The following PTPRB variants were observed in gnomAD, a reference collection of about 807,000 sequenced individuals.
The protein encoded by PTPRB is protein tyrosine phosphatase receptor type B.
PTPRB carries 97 observed loss-of-function variants against 238.1 expected under a neutral mutation model. That is an observed-to-expected ratio of 0.41 (90% CI 0.35 to 0.48). The LOEUF is 0.48. Among genes scored for constraint, PTPRB ranks in the 20% least tolerant of loss-of-function variants. PTPRB has a pLI of 0.30. For missense variants in PTPRB, 2,292 were observed against 2,681.9 expected, an observed-to-expected ratio of 0.85 and a Z score of 3.21; for synonymous variants, 970 against 995.4, an observed-to-expected ratio of 0.97 and a Z score of 0.48.
At chr12:70,597,916 TTTTATGCTATGA>T (rs1437553657) in intron 4 of PTPRB, among the ~76,000 whole-genome samples, 1 of 152,248 alleles carries the variant, frequency 6.6e-6, no homozygotes, top group African/African-American at 2.4e-5. Flanking sequence ...TGTTTCTATG[TTTTATGCTATGA>T]TTTATGCTAA....
intron 4 of PTPRB, 150 bp from the exon 5 acceptor site, chr12:70,596,477 T>A: frequency 1.1e-6 from 1 of 952,302 alleles, no homozygotes; most frequent in Middle Eastern, 3.7e-4. Flanking sequence ...GTGAAATAAA[T>A]TGCCATTTTG....
intron 22 of PTPRB, among the ~76,000 whole-genome samples, 167 bp downstream of exon 22, chr12:70,544,390 T>C (rs1875641965): frequency 6.6e-6 from 1 of 152,182 alleles, no homozygotes; most frequent in Non-Finnish European, 1.5e-5. Context: ...TCCATTCTTC[T>C]AGAGAGGTTG....
intron 2 of PTPRB, among the ~76,000 whole-genome samples, chr12:70,631,065 T>G (rs1316057163): frequency 6.6e-6 from 1 of 152,110 alleles, no homozygotes; most frequent in East Asian, 1.9e-4. Context: ...CTTCACAGAA[T>G]TGGAAAAAAC....
chr12:70,624,501 A>G (rs1885088007), intron 2 of PTPRB, among the ~76,000 whole-genome samples: 2 of 152,186 alleles, frequency 1.3e-5, no homozygotes, highest in African/African-American at 4.8e-5. Context: ...GACAAACTCA[A>G]TTATACTATT....
chr12:70,592,643 T>C, intron 6 of PTPRB, 98 bp from the exon 7 acceptor site: 1 of 1,291,780 alleles, frequency 7.7e-7, no homozygotes, highest in Non-Finnish European at 1.1e-6. Flanking sequence ...CAAGCCACAT[T>C]CCTTGCTCTG....
intron 18 of PTPRB, among the ~76,000 whole-genome samples, chr12:70,556,873 TGAGA>T (rs1320255612): frequency 3.3e-5 from 5 of 152,214 alleles, no homozygotes; most frequent in Admixed American, 3.3e-4. Flanking sequence ...TTTCACGTGT[TGAGA>T]GAAACAAGTA....
chr12:70,553,379 C>T (rs1877192212), intron 20 of PTPRB, among the ~76,000 whole-genome samples: 1 of 152,052 alleles, frequency 6.6e-6, no homozygotes, highest in African/African-American at 2.4e-5. Context: ...TTGCCAATAA[C>T]CATTGTAGTT....
At chr12:70,569,397 C>T (rs1023138962) in intron 14 of PTPRB, among the ~76,000 whole-genome samples, 3 of 152,148 alleles carry the variant, frequency 2.0e-5, no homozygotes, top group Admixed American at 2.0e-4. Context: ...AGCTACTGTG[C>T]CCAGCCTGCT....
At position 70,571,092 on chromosome 12, in the gene PTPRB, AT is replaced by A; in HGVS notation, c.3303del (p.Gln1101HisfsTer7). The part of the protein sequence containing the change: ...YRFTSLTPGR[Q>X]YKILVLTISG... ...CTAATCGTCAAGACAAGAATTTTGT[AT>A]TGGCGGCCTGGTGTTAGGGAAGTAA... is the stretch of plus-strand genomic sequence containing the variant. On this transcript the variant is annotated frameshift_variant, in exon 13 of 34. Coordinates refer to ENST00000334414, the MANE Select transcript of PTPRB (RefSeq NM_001109754.4). LOFTEE classifies it high-confidence loss of function. 1 of 1,613,944 alleles carries A rather than the reference AT, an allele frequency of 6.2e-7. No individual in the cohort carries two copies.
chr12:70,567,743 T>C (rs908091669), intron 14 of PTPRB, among the ~76,000 whole-genome samples: 3 of 152,246 alleles, frequency 2.0e-5, no homozygotes, highest in Non-Finnish European at 2.9e-5. Flanking sequence ...AATGGCCCTA[T>C]AGTGGCTCTC....
chr12:70,557,065 T>A (rs1877793630), intron 18 of PTPRB, among the ~76,000 whole-genome samples: 1 of 152,200 alleles, frequency 6.6e-6, no homozygotes, highest in Non-Finnish European at 1.5e-5. Context: ...ACACAACTTT[T>A]AGCTGCTGGC....
intron 6 of PTPRB, among the ~76,000 whole-genome samples, chr12:70,593,845 T>C (rs940266445): frequency 1.3e-5 from 2 of 152,254 alleles, no homozygotes; most frequent in Non-Finnish European, 2.9e-5. Flanking sequence ...CATTAGATTC[T>C]ACTAAAATGT....
chr12:70,533,373 C>A (rs1325849607), intron 31 of PTPRB, among the ~76,000 whole-genome samples: 1 of 152,134 alleles, frequency 6.6e-6, no homozygotes, highest in Non-Finnish European at 1.5e-5. Flanking sequence ...GTACACTTGG[C>A]ATTTCTCTTA....
chr12:70,572,135 G>A, intron 11 of PTPRB, 48 bp from the exon 12 acceptor site: 1 of 1,492,994 alleles, frequency 6.7e-7, no homozygotes, highest in Non-Finnish European at 9.2e-7. Flanking sequence ...TTCTGAGTGA[G>A]TAATTGATCA....
intron 15 of PTPRB, among the ~76,000 whole-genome samples, chr12:70,565,387 C>T (rs572625436): frequency 3.9e-5 from 6 of 152,304 alleles, no homozygotes; most frequent in African/African-American, 1.4e-4. Context: ...TTCTCCTGTT[C>T]ATACCTCTTG....
At chr12:70,625,284 A>G (rs1885122398) in intron 2 of PTPRB, among the ~76,000 whole-genome samples, 1 of 152,196 alleles carries the variant, frequency 6.6e-6, no homozygotes, top group African/African-American at 2.4e-5. Context: ...TGTAGCCATC[A>G]GAATCATATT....
At chr12:70,562,772 C>T in intron 16 of PTPRB, 72 bp downstream of exon 16, 2 of 1,541,938 alleles carry the variant, frequency 1.3e-6, no homozygotes, top group Admixed American at 1.8e-5. Flanking sequence ...AACTAAGGAC[C>T]AACCAAGGAA....
At chr12:70,551,826 G>A (rs1367282928) in intron 21 of PTPRB, among the ~76,000 whole-genome samples, 1 of 152,062 alleles carries the variant, frequency 6.6e-6, no homozygotes, top group Non-Finnish European at 1.5e-5. Context: ...GCTTGTACCT[G>A]CTTTCTGAAA....
chr12:70,535,034 G>T, intron 29 of PTPRB, 79 bp from the exon 30 acceptor site: 1 of 1,475,488 alleles, frequency 6.8e-7, no homozygotes, highest in Non-Finnish European at 9.1e-7. Context: ...TCCTCTAAAT[G>T]TCTTCCAAAG....
Sources: allele counts gnomAD v4.1 joint callset (sites outside exome capture counted in the v4.1 genomes callset), GRCh38; gene constraint gnomAD v4.1.1; transcripts MANE v1.5; gene names NCBI Gene and HGNC (gene_info 2026-07-23, HGNC 2026-07-21).